The following MARCHF1 variants were observed in gnomAD, a reference collection of about 807,000 sequenced individuals.
MARCHF1 encodes membrane associated ring-CH-type finger 1, also known as E3 ubiquitin-protein ligase MARCHF1.
MARCHF1 carries 40 observed loss-of-function variants against 54.2 expected under a neutral mutation model. That is an observed-to-expected ratio of 0.74 (90% CI 0.57 to 0.96). The LOEUF is 0.96. Ranked by LOEUF, MARCHF1 falls within the 40% of genes least tolerant of loss-of-function variation. The pLI is 0.00. For synonymous variants in MARCHF1, 236 were observed against 236.3 expected (o/e 1.00, Z 0.01); for missense variants, 586 against 656.5 (o/e 0.89, Z 1.17).
At chr4:164,058,064 T>C (rs530649639) in intron 2 of MARCHF1, among the ~76,000 whole-genome samples, 2 of 151,412 alleles carry the variant, frequency 1.3e-5, no homozygotes, top group Non-Finnish European at 2.9e-5. Context: ...TAAGTGGGAG[T>C]TGAACAATGA....
At chr4:163,828,394 A>T (rs1170322998) in intron 4 of MARCHF1, among the ~76,000 whole-genome samples, 1 of 152,078 alleles carries the variant, frequency 6.6e-6, no homozygotes, top group East Asian at 1.9e-4. Context: ...TGCTTCAGTC[A>T]TTATAGACTT....
At chr4:163,805,669 A>G (rs1748205907) in intron 4 of MARCHF1, among the ~76,000 whole-genome samples, 1 of 152,212 alleles carries the variant, frequency 6.6e-6, no homozygotes, top group Non-Finnish European at 1.5e-5. Flanking sequence ...CTTATGTTGT[A>G]GAAGACACAG....
At chr4:163,598,512 A>G (rs897569661) in intron 7 of MARCHF1, among the ~76,000 whole-genome samples, 2 of 152,248 alleles carry the variant, frequency 1.3e-5, no homozygotes, top group Non-Finnish European at 2.9e-5. Context: ...TCTGTATGGT[A>G]GAGCCTGTTG....
At chr4:163,743,491 T>C (rs1746268343) in intron 4 of MARCHF1, among the ~76,000 whole-genome samples, 1 of 152,084 alleles carries the variant, frequency 6.6e-6, no homozygotes, top group African/African-American at 2.4e-5. Flanking sequence ...ATGTATAAAG[T>C]GGACACTAAT....
chr4:164,176,189 T>A (rs1484896850), intron 1 of MARCHF1, among the ~76,000 whole-genome samples: 1 of 152,158 alleles, frequency 6.6e-6, no homozygotes, highest in African/African-American at 2.4e-5. Context: ...CCTTTACAGT[T>A]ACTAAGGCAA....
chr4:164,368,633 G>A (rs1056896967), intron 1 of MARCHF1, among the ~76,000 whole-genome samples: 2 of 152,130 alleles, frequency 1.3e-5, no homozygotes, highest in African/African-American at 4.8e-5. Context: ...TCAGCAATAT[G>A]TGCACATAAT....
At chr4:163,632,011 G>C (rs115960891) in intron 5 of MARCHF1, among the ~76,000 whole-genome samples, 1,929 of 152,112 alleles carry the variant, frequency 0.013, 39 homozygotes, top group African/African-American at 0.043. Flanking sequence ...TAATAATGAG[G>C]GAAATGCAAA....
intron 2 of MARCHF1, among the ~76,000 whole-genome samples, chr4:163,996,555 C>T (rs543788317): frequency 6.6e-6 from 1 of 152,050 alleles, no homozygotes; most frequent in African/African-American, 2.4e-5. Context: ...TATTGATTTT[C>T]ATTAGTTGTT....
chr4:164,193,120 T>C (rs893582387), intron 1 of MARCHF1, among the ~76,000 whole-genome samples: 10 of 152,182 alleles, frequency 6.6e-5, no homozygotes, highest in Non-Finnish European at 1.5e-4. Context: ...ATTTGACCTC[T>C]GAAGGACCTC....
At chr4:164,180,531 G>A (rs2111011742) in intron 1 of MARCHF1, among the ~76,000 whole-genome samples, 1 of 152,214 alleles carries the variant, frequency 6.6e-6, no homozygotes, top group East Asian at 1.9e-4. Flanking sequence ...CAAGGCTGAA[G>A]TTTTATTAAA....
At chr4:164,160,633 GTGC>G (rs1188561625) in intron 1 of MARCHF1, among the ~76,000 whole-genome samples, 1 of 152,112 alleles carries the variant, frequency 6.6e-6, no homozygotes, top group Non-Finnish European at 1.5e-5. Context: ...TAATTTTTAT[GTGC>G]TGCTTTTAAA....
intron 4 of MARCHF1, among the ~76,000 whole-genome samples, chr4:163,784,772 A>G (rs79313848): frequency 0.061 from 9,322 of 152,154 alleles, 669 homozygotes; most frequent in East Asian, 0.28. Flanking sequence ...AATATATAAC[A>G]AACAATCAAT....
At position 163,637,295 on chromosome 4, in the gene MARCHF1, C is replaced by T. The variant is rs191493849; in HGVS notation, c.163-23902G>A. ...TCTGCACAGCAAAAGAAACTACCAT[C>T]AGAGTGAACAGGCAAGCTACAAAAT... On this transcript the variant is annotated intron_variant, in intron 5 of 9. Transcript: ENST00000514618. Among the ~76,000 whole-genome samples, 1,494 of 152,198 alleles carry T rather than the reference C, an allele frequency of 9.8e-3. 19 individuals are homozygous for T. The highest frequency in any genetic ancestry group is 0.034 in the African/African-American group (1,416 of 41,488).
At chr4:164,236,135 A>G (rs1485607309) in intron 1 of MARCHF1, among the ~76,000 whole-genome samples, 2 of 152,100 alleles carry the variant, frequency 1.3e-5, no homozygotes, top group African/African-American at 4.8e-5. Context: ...TGAACAACAA[A>G]AGACACAAAT....
chr4:164,335,782 C>T (rs1267765978), intron 1 of MARCHF1, among the ~76,000 whole-genome samples: 1 of 152,034 alleles, frequency 6.6e-6, no homozygotes, highest in Non-Finnish European at 1.5e-5. Context: ...CATTTTTGGA[C>T]ATAATGCTAT....
At chr4:164,021,097 T>TC (rs1199050538) in intron 2 of MARCHF1, among the ~76,000 whole-genome samples, 1,573 of 130,460 alleles carry the variant, frequency 0.012, 18 homozygotes, top group East Asian at 0.023. Flanking sequence ...TTTTTTTTTT[T>TC]CCCTGTAGTG....
At chr4:164,157,091 T>C (rs1730098175) in intron 1 of MARCHF1, among the ~76,000 whole-genome samples, 1 of 152,164 alleles carries the variant, frequency 6.6e-6, no homozygotes, top group Admixed American at 6.5e-5. Context: ...ATCTCTGATA[T>C]ATATGCACAT....
At chr4:163,966,539 C>T (rs1329906633) in intron 3 of MARCHF1, among the ~76,000 whole-genome samples, 2 of 152,012 alleles carry the variant, frequency 1.3e-5, no homozygotes, top group African/African-American at 4.8e-5. Flanking sequence ...TGACAATAAA[C>T]AATGCTTCCC....
At chr4:164,357,904 A>G (rs1160901733) in intron 1 of MARCHF1, among the ~76,000 whole-genome samples, 1 of 152,218 alleles carries the variant, frequency 6.6e-6, no homozygotes, top group Non-Finnish European at 1.5e-5. Flanking sequence ...ATCATTTTCT[A>G]GAAAGAAACA....
Sources: allele counts gnomAD v4.1 joint callset (sites outside exome capture counted in the v4.1 genomes callset), GRCh38; gene constraint gnomAD v4.1.1; transcripts MANE v1.5; gene names NCBI Gene and HGNC (gene_info 2026-07-23, HGNC 2026-07-21).